THSD7B: variants seen among roughly 807,000 people sequenced by gnomAD.
THSD7B encodes thrombospondin type-1 domain-containing protein 7B.
Under a neutral mutation model 213.6 loss-of-function variants are expected in THSD7B, and 138 were observed. The ratio of observed to expected loss-of-function variants is 0.65; its 90% CI spans 0.56 to 0.74. The LOEUF (loss-of-function observed/expected upper bound fraction) is 0.74. THSD7B is among the 30% of genes least tolerant of loss of function. The pLI is 0.00. For synonymous variants in THSD7B, 742 were observed against 687.0 expected (o/e 1.08, Z -1.25); for missense variants, 1,931 against 1,991.5 (o/e 0.97, Z 0.58).
intron 2 of THSD7B, among the ~76,000 whole-genome samples, chr2:137,038,638 A>G (rs1686821880): frequency 6.6e-6 from 1 of 152,196 alleles, no homozygotes; most frequent in Middle Eastern, 3.2e-3. Context: ...AAGGATGTGG[A>G]TAGGCAAGGC....
intron 2 of THSD7B, among the ~76,000 whole-genome samples, chr2:136,943,914 CT>C (rs1236104239): frequency 3.3e-5 from 5 of 151,982 alleles, no homozygotes; most frequent in African/African-American, 7.2e-5. Context: ...TATTTCTTGC[CT>C]TCTGCTAGCT....
intron 20 of THSD7B, among the ~76,000 whole-genome samples, chr2:137,640,077 T>C (rs567811149): frequency 1.5e-4 from 23 of 152,192 alleles, no homozygotes; most frequent in African/African-American, 5.3e-4. Flanking sequence ...CAGAATGATA[T>C]GGTTTGGCTG....
chr2:137,501,337 A>G (rs1679699463), intron 15 of THSD7B, among the ~76,000 whole-genome samples: 1 of 152,190 alleles, frequency 6.6e-6, no homozygotes, highest in African/African-American at 2.4e-5. Flanking sequence ...GAAGTATCTG[A>G]ATACAAGCCC....
chr2:137,644,481 A>G (rs1682993339), intron 21 of THSD7B, among the ~76,000 whole-genome samples: 1 of 152,196 alleles, frequency 6.6e-6, no homozygotes, highest in South Asian at 2.1e-4. Flanking sequence ...CGAAAATGAC[A>G]TAAAGTAAAG....
intron 3 of THSD7B, among the ~76,000 whole-genome samples, chr2:137,087,285 T>G (rs564022272): frequency 2.0e-5 from 3 of 152,248 alleles, no homozygotes; most frequent in African/African-American, 7.2e-5. Flanking sequence ...CTCTCACCAC[T>G]CCTCTTCACA....
chr2:136,776,620 T>C (rs988236369), intron 1 of THSD7B, among the ~76,000 whole-genome samples: 1 of 152,168 alleles, frequency 6.6e-6, no homozygotes, highest in Non-Finnish European at 1.5e-5. Context: ...GAATTATCCA[T>C]TGATTTGGCA....
At chr2:137,416,026 C>G (rs1375721835) in intron 14 of THSD7B, among the ~76,000 whole-genome samples, 1 of 152,170 alleles carries the variant, frequency 6.6e-6, no homozygotes, top group Non-Finnish European at 1.5e-5. Context: ...GCTGTATCCA[C>G]AACACCTACA....
rs114788861 is a variant in THSD7B, at chr2:137,524,321, G to A, written c.3139-38900G>A. ...CGTCATGTGGAACTGCCTCCTCACCGTCTCTGCCATGGGCCACTGGAAATC... is the reference window on the plus strand; with the variant it reads ...CGTCATGTGGAACTGCCTCCTCACCATCTCTGCCATGGGCCACTGGAAATC... On this transcript the variant is annotated intron_variant, in intron 15 of 27. Transcript: ENST00000409968. Among the ~76,000 whole-genome samples the A allele has an allele frequency of 3.4e-3, 513 of 152,138 alleles. 4 individuals carry two copies. The highest frequency in any genetic ancestry group is 0.012 in the African/African-American group (478 of 41,488).
chr2:137,082,923 T>G (rs756591488), intron 3 of THSD7B, among the ~76,000 whole-genome samples: 1 of 152,100 alleles, frequency 6.6e-6, no homozygotes. Context: ...TCAAGGATAC[T>G]CCTCAGGAAT....
chr2:137,208,831 CTG>C (rs1232076558), intron 7 of THSD7B, among the ~76,000 whole-genome samples: 1 of 151,974 alleles, frequency 6.6e-6, no homozygotes, highest in African/African-American at 2.4e-5. Context: ...ATGCAAAAGT[CTG>C]AAAAACATCT....
intron 12 of THSD7B, among the ~76,000 whole-genome samples, chr2:137,277,232 G>T (rs754616892): frequency 6.6e-6 from 1 of 151,982 alleles, no homozygotes; most frequent in Non-Finnish European, 1.5e-5. Context: ...CAAGGATATT[G>T]TATGTAAATG....
rs142973548 is a variant in THSD7B, at chr2:137,034,892, A to G, written c.140-21528A>G. The stretch of plus-strand genomic sequence containing the variant: ...CTTTGCTATTGTAAATAGTGCTGCA[A>G]TAAACATACATGTGCATGTGTCTTT... On this transcript the variant is annotated intron_variant, in intron 2 of 27. Transcript: ENST00000409968. Among the ~76,000 whole-genome samples, 255 of 152,348 alleles carry G rather than the reference A, an allele frequency of 1.7e-3. 2 individuals are homozygous for G. In the East Asian group the frequency reaches 0.026, roughly 16 times the overall value.
chr2:137,458,061 G>C (rs1687798530), intron 15 of THSD7B, among the ~76,000 whole-genome samples: 4 of 150,676 alleles, frequency 2.7e-5, no homozygotes. Flanking sequence ...CAAAAAAAAA[G>C]TTAGAAGAAC....
chr2:136,777,037 G>A (rs758229948), intron 1 of THSD7B, among the ~76,000 whole-genome samples: 1 of 152,128 alleles, frequency 6.6e-6, no homozygotes, highest in Non-Finnish European at 1.5e-5. Flanking sequence ...AATATCATTT[G>A]TTCAAACCAA....
intron 7 of THSD7B, among the ~76,000 whole-genome samples, chr2:137,197,965 T>G (rs1159310898): frequency 6.6e-6 from 1 of 152,198 alleles, no homozygotes; most frequent in Non-Finnish European, 1.5e-5. Context: ...TGTATGCATG[T>G]GCACAGTATG....
intron 7 of THSD7B, among the ~76,000 whole-genome samples, chr2:137,182,876 A>C (rs1220603287): frequency 6.6e-6 from 1 of 152,162 alleles, no homozygotes; most frequent in Non-Finnish European, 1.5e-5. Flanking sequence ...TGAGAAATGG[A>C]AATTAGAATA....
intron 7 of THSD7B, among the ~76,000 whole-genome samples, chr2:137,208,403 T>G (rs1681030960): frequency 6.6e-6 from 1 of 150,600 alleles, no homozygotes; most frequent in African/African-American, 2.5e-5. Context: ...ACAGTAAAAT[T>G]TGTTTAATCC....
intron 27 of THSD7B, 74 bp downstream of exon 27, chr2:137,667,935 C>A: frequency 8.2e-7 from 1 of 1,223,808 alleles, no homozygotes; most frequent in Non-Finnish European, 1.1e-6. Context: ...ACAAGTATCT[C>A]AGGATCATTG....
chr2:136,977,809 T>G (rs12467356), intron 2 of THSD7B, among the ~76,000 whole-genome samples: 26 of 114,952 alleles, frequency 2.3e-4, no homozygotes, highest in African/African-American at 5.6e-4. Context: ...TTGTTTTTTT[T>G]TTTTTTTTTT....
Sources: allele counts gnomAD v4.1 joint callset (sites outside exome capture counted in the v4.1 genomes callset), GRCh38; gene constraint gnomAD v4.1.1; transcripts MANE v1.5; gene names NCBI Gene and HGNC (gene_info 2026-07-23, HGNC 2026-07-21).